Variants in ADGRL2 observed in about 807,000 individuals in gnomAD.
ADGRL2 encodes the protein calcium-independent alpha-latrotoxin receptor 2.
In ADGRL2, 44 loss-of-function variants were observed where a neutral mutation model predicts 157.4. The observed-to-expected ratio is 0.28, with a 90% CI of 0.22 to 0.36. ADGRL2 has a LOEUF of 0.36. Ranked by LOEUF, ADGRL2 falls within the 10% of genes least tolerant of loss-of-function variation. ADGRL2 has a pLI of 1.00. For missense variants in ADGRL2, 1,510 were observed against 1,768.9 expected, an observed-to-expected ratio of 0.85 and a Z score of 2.63; for synonymous variants, 585 against 624.7, an observed-to-expected ratio of 0.94 and a Z score of 0.95.
chr1:81,747,293 G>GTGTA (rs2085328421), intron 1 of ADGRL2, among the ~76,000 whole-genome samples: 2 of 144,724 alleles, frequency 1.4e-5, no homozygotes, highest in African/African-American at 5.1e-5. Flanking sequence ...GCATACATGT[G>GTGTA]TATATATATA....
In ADGRL2 at chr1:81,559,963, T is replaced by C. The variant is rs201791541; in HGVS notation, c.-247-20913T>C. Among the ~76,000 whole-genome samples, 4 of 152,346 alleles carry C rather than the reference T, an allele frequency of 2.6e-5. No homozygotes were observed. The East Asian group carries it at 5.8e-4, about 22-fold the overall frequency. On this transcript the variant is annotated intron_variant, in intron 2 of 24. Coordinates refer to the ADGRL2 transcript ENST00000370721. ...ATTTATTATGACAGTTTTTCAGCAA[T>C]AGCAGCTAAATGTCTTCTTCTTAAA...
At chr1:81,857,919 A>G (rs1211316423) in intron 2 of ADGRL2, among the ~76,000 whole-genome samples, 1 of 152,122 alleles carries the variant, frequency 6.6e-6, no homozygotes, top group African/African-American at 2.4e-5. Flanking sequence ...CCTTACTACT[A>G]TCAACCAAAT....
intron 3 of ADGRL2, among the ~76,000 whole-genome samples, chr1:81,642,151 G>A (rs2082230776): frequency 6.6e-6 from 1 of 151,426 alleles, no homozygotes; most frequent in South Asian, 2.1e-4. Context: ...GGAAGGCTGA[G>A]GCAGGAGAAT....
chr1:81,692,937 C>T (rs2083372009), intron 3 of ADGRL2, among the ~76,000 whole-genome samples: 1 of 152,190 alleles, frequency 6.6e-6, no homozygotes, highest in African/African-American at 2.4e-5. Flanking sequence ...CTTATACCCA[C>T]ACTCCTCATT....
intron 2 of ADGRL2, among the ~76,000 whole-genome samples, chr1:81,892,474 T>C (rs1445750129): frequency 1.3e-5 from 2 of 152,134 alleles, no homozygotes; most frequent in African/African-American, 4.8e-5. Flanking sequence ...TGTGTTCTTA[T>C]TTCATTAGCA....
chr1:81,915,427 T>A (rs1386618490), intron 3 of ADGRL2, among the ~76,000 whole-genome samples: 1 of 152,082 alleles, frequency 6.6e-6, no homozygotes, highest in Non-Finnish European at 1.5e-5. Context: ...CTACTAGATG[T>A]TGAAGACTGA....
chr1:81,624,172 T>C (rs2081858992), intron 3 of ADGRL2, among the ~76,000 whole-genome samples: 1 of 152,194 alleles, frequency 6.6e-6, no homozygotes, highest in Non-Finnish European at 1.5e-5. Flanking sequence ...TATCCAGAAC[T>C]GTGAGAGAAT....
intron 2 of ADGRL2, among the ~76,000 whole-genome samples, chr1:81,484,517 C>G (rs1391669804): frequency 6.6e-6 from 1 of 152,218 alleles, no homozygotes; most frequent in Non-Finnish European, 1.5e-5. Flanking sequence ...AAGGATTTCT[C>G]TTTACTGCTG....
At position 81,820,038 on chromosome 1, in the gene ADGRL2, A is replaced by G. The variant is rs185696322; in HGVS notation, c.-100-16847A>G. The stretch of plus-strand genomic sequence containing the variant: ...TCACCTGTTCTTTAAAAGAGTAACA[A>G]TCATTTCCTCAATAGCTTTTCAGCT... On this transcript the variant is annotated intron_variant, in intron 1 of 23. Coordinates refer to ENST00000686636, the MANE Select transcript of ADGRL2 (RefSeq NM_001366006.2). Among the ~76,000 whole-genome samples, 518 of 152,278 alleles carry G rather than the reference A, an allele frequency of 3.4e-3. 2 individuals carry two copies. The highest frequency in any genetic ancestry group is 0.011 in the African/African-American group (452 of 41,572).
intron 2 of ADGRL2, among the ~76,000 whole-genome samples, chr1:81,898,988 A>G (rs2026596): frequency 0.21 from 32,618 of 152,124 alleles, 4,219 homozygotes; most frequent in East Asian, 0.63. Flanking sequence ...ACTCTCATAG[A>G]GGTCCCTGAT....
chr1:81,888,698 C>T (rs2094189412), intron 2 of ADGRL2, among the ~76,000 whole-genome samples: 1 of 152,100 alleles, frequency 6.6e-6, no homozygotes, highest in Non-Finnish European at 1.5e-5. Context: ...GTGATCTGCC[C>T]CCCTTGGCCT....
chr1:81,971,449 T>C (rs980227721), intron 16 of ADGRL2, among the ~76,000 whole-genome samples: 1 of 152,166 alleles, frequency 6.6e-6, no homozygotes, highest in Admixed American at 6.6e-5. Context: ...TCCATAGGGT[T>C]AAGCACTTCA....
chr1:81,633,832 C>A (rs1307358954), intron 3 of ADGRL2, among the ~76,000 whole-genome samples: 1 of 152,146 alleles, frequency 6.6e-6, no homozygotes, highest in African/African-American at 2.4e-5. Flanking sequence ...ACATTTATCT[C>A]TACCACCATT....
chr1:81,531,530 G>GA (rs1303956775), intron 2 of ADGRL2, among the ~76,000 whole-genome samples: 2 of 152,126 alleles, frequency 1.3e-5, no homozygotes, highest in Non-Finnish European at 2.9e-5. Flanking sequence ...ATCTTAAGAA[G>GA]AAAACCAAAC....
At chr1:81,586,127 CTT>C (rs574560423) in intron 3 of ADGRL2, 10 of 152,024 alleles carry the variant, frequency 6.6e-5, no homozygotes, top group African/African-American at 2.4e-4. Flanking sequence ...TTATTAATGT[CTT>C]GTTTCCAATT....
intron 1 of ADGRL2, among the ~76,000 whole-genome samples, chr1:81,395,646 T>C (rs545736388): frequency 5.3e-5 from 8 of 152,338 alleles, no homozygotes; most frequent in African/African-American, 1.9e-4. Flanking sequence ...GTTTCCCTTA[T>C]GTTTTCCTCT....
intron 2 of ADGRL2, among the ~76,000 whole-genome samples, chr1:81,484,151 A>C (rs1365176587): frequency 1.3e-5 from 2 of 152,202 alleles, no homozygotes; most frequent in Non-Finnish European, 2.9e-5. Flanking sequence ...TTTATAAATC[A>C]AAATTTAAGA....
chr1:81,485,142 G>A (rs969911656), intron 2 of ADGRL2, among the ~76,000 whole-genome samples: 1 of 149,012 alleles, frequency 6.7e-6, no homozygotes, highest in Non-Finnish European at 1.5e-5. Flanking sequence ...AGAAAAGCAA[G>A]GAATTGAAAA....
chr1:81,445,044 T>C (rs2077575128), exon 2 of ADGRL2: 1 of 152,204 alleles, frequency 6.6e-6, no homozygotes, highest in East Asian at 1.9e-4. Context: ...TACTCTAAAC[T>C]TCACAAATGG....
Sources: gnomAD v4.1 joint callset for allele counts (sites outside exome capture counted in the v4.1 genomes callset) on GRCh38, gnomAD v4.1.1 for gene constraint, MANE v1.5 for transcripts, NCBI Gene and HGNC (gene_info 2026-07-23, HGNC 2026-07-21) for gene names.